Variants in LRRIQ1 observed in about 807,000 individuals in gnomAD.
LRRIQ1 encodes leucine-rich repeat- and IQ domain-containing protein 1.
In LRRIQ1, 210 loss-of-function variants were observed where a neutral mutation model predicts 211.9. The ratio of observed to expected loss-of-function variants is 0.99; its 90% CI spans 0.89 to 1.11. LRRIQ1 has a LOEUF of 1.11. Among genes scored for constraint, LRRIQ1 ranks in the 50% most tolerant of loss-of-function variants. The probability of loss-of-function intolerance (pLI) is 0.00; values close to 1 mark genes in which losing one functional copy is unlikely to be tolerated. For missense variants in LRRIQ1, 2,136 were observed against 1,939.5 expected (o/e 1.10, Z -1.90); for synonymous variants, 699 against 650.1 (o/e 1.08, Z -1.14).
intron 24 of LRRIQ1, 90 bp downstream of exon 24, chr12:85,160,804 A>C: frequency 1.7e-6 from 1 of 574,444 alleles, no homozygotes; most frequent in South Asian, 4.7e-5. Context: ...ATTCTTAATC[A>C]TAAAGTATAT....
At chr12:85,251,986 T>C (rs1593027777) in intron 1 of LRRIQ1, among the ~76,000 whole-genome samples, 3 of 152,086 alleles carry the variant, frequency 2.0e-5, no homozygotes, top group African/African-American at 7.2e-5. Context: ...ATGATTCTAA[T>C]CTTAAACATT....
intron 18 of LRRIQ1, 113 bp from the exon 19 acceptor site, chr12:85,137,737 G>T: frequency 3.3e-4 from 242 of 726,258 alleles, no homozygotes; most frequent in Middle Eastern, 1.2e-3. Flanking sequence ...ACAGATTATT[G>T]TGTCATTAAA....
At chr12:85,093,741 C>T (rs1592782919) in intron 11 of LRRIQ1, among the ~76,000 whole-genome samples, 1 of 152,274 alleles carries the variant, frequency 6.6e-6, no homozygotes, top group East Asian at 1.9e-4. Flanking sequence ...GCATTCAAAG[C>T]CAAACTGGAA....
intron 11 of LRRIQ1, among the ~76,000 whole-genome samples, chr12:85,097,403 C>T (rs1050648512): frequency 3.3e-5 from 5 of 151,010 alleles, no homozygotes; most frequent in Non-Finnish European, 5.9e-5. Context: ...CCAGTGCCCT[C>T]CCCCCTCACC....
Position 85,154,024 on chromosome 12 carries a change from TA to T in LRRIQ1, c.4651del (p.Ile1551PhefsTer8). On this transcript the variant is annotated frameshift_variant, in exon 23 of 27. Transcript: ENST00000393217. LOFTEE classifies it high-confidence loss of function. ...AATCTTTTAATAGGGGCTTTAAGGA[TA>T]TTTCTACTGCTCAGCAAATGTTGAA... ...KISEEWGFKDISTAQQMLKRA... is the reference protein window; with the variant it reads ...KISEEWGFKDXSTAQQMLKRA... 1 of 1,561,312 alleles carries T rather than the reference TA, an allele frequency of 6.4e-7. No homozygotes were observed. The highest frequency in any genetic ancestry group is 8.7e-7 in the Non-Finnish European group (1 of 1,155,876).
chr12:85,235,898 AG>A (rs1449736682), intron 26 of LRRIQ1, among the ~76,000 whole-genome samples: 2 of 152,208 alleles, frequency 1.3e-5, no homozygotes, highest in Non-Finnish European at 1.5e-5. Flanking sequence ...GAAAAAGAAT[AG>A]TAAGTTGTGT....
rs74572705 is a variant in LRRIQ1, at chr12:85,130,413, C to A, written c.4209+2380C>A. Among the ~76,000 whole-genome samples the A allele has an allele frequency of 7.9e-5, 12 of 152,312 alleles. No homozygotes were observed. In the East Asian group the frequency reaches 2.3e-3, roughly 29 times the overall value. On this transcript the variant is annotated intron_variant, in intron 18 of 26. Transcript: ENST00000393217. The stretch of plus-strand genomic sequence containing the variant: ...ATCGGTGGATGAACAATACATTTTT[C>A]AGCATTGACAGTAAACAACTATTCA...
At chr12:85,095,765 A>G (rs1885815034) in intron 11 of LRRIQ1, among the ~76,000 whole-genome samples, 1 of 152,058 alleles carries the variant, frequency 6.6e-6, no homozygotes, top group East Asian at 1.9e-4. Flanking sequence ...CATCTGGTCC[A>G]GGGCTCTTTT....
chr12:85,173,606 C>T (rs1486399107), intron 24 of LRRIQ1, among the ~76,000 whole-genome samples: 2 of 151,904 alleles, frequency 1.3e-5, no homozygotes, highest in Middle Eastern at 3.2e-3. Flanking sequence ...AGAGACTACA[C>T]ACGCAATCTC....
intron 11 of LRRIQ1, among the ~76,000 whole-genome samples, chr12:85,088,620 G>T (rs572059472): frequency 6.6e-6 from 1 of 152,058 alleles, no homozygotes; most frequent in East Asian, 1.9e-4. Context: ...CTTTTATTTC[G>T]TTGAGTAGTG....
intron 8 of LRRIQ1, among the ~76,000 whole-genome samples, chr12:85,061,745 T>C (rs929505955): frequency 4.6e-5 from 7 of 151,838 alleles, no homozygotes; most frequent in Admixed American, 1.3e-4. Flanking sequence ...TGTATATCTG[T>C]TTGTTACAGA....
In LRRIQ1 at chr12:85,061,208, A is replaced by G. The variant is rs529716911; in HGVS notation, c.2391+4024A>G. ...AATTGCTGTTTTTCTAGTTGACCAT[A>G]CAGTAATGAACACATACGATTACTA... On this transcript the variant is annotated intron_variant, in intron 8 of 26. Transcript: ENST00000393217. 3.3e-5 allele frequency among the ~76,000 whole-genome samples: 5 copies of G among 151,880 alleles called. 1 individual carries two copies. In the South Asian group the frequency reaches 8.3e-4, roughly 25 times the overall value.
chr12:85,239,686 C>G (rs1453293676), intron 26 of LRRIQ1, among the ~76,000 whole-genome samples: 3 of 151,898 alleles, frequency 2.0e-5, no homozygotes, highest in Non-Finnish European at 4.4e-5. Flanking sequence ...ATTGTAAAAC[C>G]TATTGAAGAG....
At chr12:85,150,314 TC>T (rs1240314045) in intron 19 of LRRIQ1, among the ~76,000 whole-genome samples, 7 of 151,872 alleles carry the variant, frequency 4.6e-5, no homozygotes, top group Non-Finnish European at 1.5e-5. Flanking sequence ...CCCTTGATCT[TC>T]CCTGAGATAT....
At chr12:85,121,923 A>G in intron 16 of LRRIQ1, 47 bp downstream of exon 16, 1 of 1,407,160 alleles carries the variant, frequency 7.1e-7, no homozygotes, top group East Asian at 2.5e-5. Context: ...CAATAATGTA[A>G]TTTATAAATG....
At chr12:85,220,679 A>G (rs2137126171) in intron 24 of LRRIQ1, among the ~76,000 whole-genome samples, 1 of 150,996 alleles carries the variant, frequency 6.6e-6, no homozygotes, top group Admixed American at 6.6e-5. Context: ...GTTTTAGGGT[A>G]CATGTGCACA....
intron 19 of LRRIQ1, among the ~76,000 whole-genome samples, chr12:85,146,593 C>T (rs1889908197): frequency 6.6e-6 from 1 of 151,600 alleles, no homozygotes; most frequent in Admixed American, 6.6e-5. Context: ...TTCATGCTTC[C>T]CAGGATTTAA....
At chr12:85,164,610 A>G (rs182624318) in intron 24 of LRRIQ1, among the ~76,000 whole-genome samples, 1 of 152,236 alleles carries the variant, frequency 6.6e-6, no homozygotes, top group Admixed American at 6.5e-5. Flanking sequence ...TACTGTGCTG[A>G]GAGTTTTACT....
chr12:85,065,415 G>A lies in LRRIQ1; in HGVS notation c.2544+1G>A. On this transcript the variant is annotated splice_donor_variant, in intron 9 of 26. Transcript: ENST00000393217. LOFTEE classifies it high-confidence loss of function. ...AAAACTTAAGTACATTGATGCACAGGTATGCTCTCTGCCCTACTGTTATTT... is the reference window on the plus strand; with the variant it reads ...AAAACTTAAGTACATTGATGCACAGATATGCTCTCTGCCCTACTGTTATTT... 6.2e-7 allele frequency: 1 copy of A among 1,600,008 alleles called. No homozygotes were observed. Among genetic ancestry groups the A allele is most frequent in the Non-Finnish European group, 8.5e-7 (1 of 1,172,198 alleles).
Sources: gnomAD v4.1 joint callset for allele counts (sites outside exome capture counted in the v4.1 genomes callset) on GRCh38, gnomAD v4.1.1 for gene constraint, MANE v1.5 for transcripts, NCBI Gene and HGNC (gene_info 2026-07-23, HGNC 2026-07-21) for gene names.